Variants in DLG2 observed in about 807,000 individuals in gnomAD.
The protein encoded by DLG2 is disks large homolog 2.
Under a neutral mutation model 132.5 loss-of-function variants are expected in DLG2, and 45 were observed. The observed-to-expected ratio is 0.34, with a 90% CI of 0.27 to 0.44. DLG2 has a LOEUF of 0.44. Ranked by LOEUF, DLG2 falls within the 20% of genes least tolerant of loss-of-function variation. The pLI is 1.00. For missense variants in DLG2, 1,045 were observed against 1,196.9 expected (o/e 0.87, Z 1.87); for synonymous variants, 424 against 419.6 (o/e 1.01, Z -0.13).
At chr11:85,215,933 T>A (rs1157061825) in intron 4 of DLG2, among the ~76,000 whole-genome samples, 1 of 151,808 alleles carries the variant, frequency 6.6e-6, no homozygotes, top group Non-Finnish European at 1.5e-5. Flanking sequence ...ATATACACAA[T>A]GCTTGTCTTC....
At chr11:84,825,360 C>T (rs539683657) in intron 6 of DLG2, among the ~76,000 whole-genome samples, 1 of 152,052 alleles carries the variant, frequency 6.6e-6, no homozygotes, top group South Asian at 2.1e-4. Flanking sequence ...ACACACTCAA[C>T]AGAGGCTTCT....
At chr11:84,136,930 C>G (rs989812417) in intron 9 of DLG2, among the ~76,000 whole-genome samples, 11 of 152,066 alleles carry the variant, frequency 7.2e-5, no homozygotes, top group African/African-American at 2.7e-4. Flanking sequence ...ACCAGGGATT[C>G]TGGCCTATTC....
chr11:84,596,427 T>C (rs972224515), intron 6 of DLG2, among the ~76,000 whole-genome samples: 4 of 150,836 alleles, frequency 2.7e-5, no homozygotes, highest in South Asian at 4.2e-4. Context: ...TTCGACACGT[T>C]GGCCAGGCTC....
At chr11:84,114,333 C>T (rs1293953885) in intron 9 of DLG2, among the ~76,000 whole-genome samples, 1 of 152,128 alleles carries the variant, frequency 6.6e-6, no homozygotes, top group Admixed American at 6.5e-5. Context: ...TAACTTGATA[C>T]ATTGGAAGGG....
rs1454007419 is a variant in DLG2, at chr11:83,735,701, T to A, written c.1825+50989A>T. Among the ~76,000 whole-genome samples, 4 of 152,242 alleles carry A rather than the reference T, an allele frequency of 2.6e-5. No individual in the cohort carries two copies. The East Asian group carries it at 7.7e-4, about 29-fold the overall frequency. On this transcript the variant is annotated intron_variant, in intron 18 of 27. Coordinates refer to ENST00000376104, the MANE Select transcript of DLG2 (RefSeq NM_001142699.3). Reference sequence around the variant, plus strand: ...TTCCCACACGTACATTTTGCTTTTATAGTCACATTCTTTCTAACCAGCGGT... The same window carrying A: ...TTCCCACACGTACATTTTGCTTTTAAAGTCACATTCTTTCTAACCAGCGGT...
At position 85,548,391 on chromosome 11, in the gene DLG2, C is replaced by G. The variant is rs116270476; in HGVS notation, c.40+50266G>C. ...GTCCCAGAGGGGCACCCGCCAGATG[C>G]CAGCCTGAGCTCTGCTCTATGAGGT... On this transcript the variant is annotated intron_variant, in intron 3 of 27. Coordinates refer to ENST00000376104, the MANE Select transcript of DLG2 (RefSeq NM_001142699.3). Among the ~76,000 whole-genome samples, 1,428 of 152,300 alleles carry G rather than the reference C, an allele frequency of 9.4e-3. 21 individuals are homozygous for G. Among genetic ancestry groups the G allele is most frequent in the African/African-American group, 0.031 (1,275 of 41,566 alleles).
At chr11:85,072,989 A>G (rs1430695263) in intron 6 of DLG2, among the ~76,000 whole-genome samples, 1 of 151,876 alleles carries the variant, frequency 6.6e-6, no homozygotes, top group Admixed American at 6.6e-5. Flanking sequence ...TGTCAAAAAT[A>G]AGAGCTTTTA....
At chr11:83,984,044 C>G (rs187302169) in intron 11 of DLG2, among the ~76,000 whole-genome samples, 1 of 152,116 alleles carries the variant, frequency 6.6e-6, no homozygotes, top group South Asian at 2.1e-4. Flanking sequence ...GTAAATGCCA[C>G]GGTCTTAGCT....
intron 6 of DLG2, among the ~76,000 whole-genome samples, chr11:84,759,566 G>A (rs1403151557): frequency 2.0e-5 from 3 of 152,116 alleles, no homozygotes; most frequent in Non-Finnish European, 2.9e-5. Flanking sequence ...TATAAACTCA[G>A]TCAACTGATT....
At chr11:84,141,209 C>G (rs1219281915) in intron 9 of DLG2, among the ~76,000 whole-genome samples, 1 of 151,936 alleles carries the variant, frequency 6.6e-6, no homozygotes, top group East Asian at 1.9e-4. Context: ...ATTTTCCTAT[C>G]TATCTATCTA....
At chr11:83,601,575 G>A (rs1387674169) in intron 19 of DLG2, among the ~76,000 whole-genome samples, 1 of 139,286 alleles carries the variant, frequency 7.2e-6, no homozygotes, top group African/African-American at 2.7e-5. Flanking sequence ...GCAGTGGTGC[G>A]ATCTCGGCTC....
chr11:84,725,883 A>G (rs1400897994), intron 6 of DLG2, among the ~76,000 whole-genome samples: 12 of 152,138 alleles, frequency 7.9e-5, no homozygotes, highest in African/African-American at 2.9e-4. Flanking sequence ...GAATAAACCT[A>G]TTAGACTCAC....
At chr11:85,400,773 A>G (rs1282165607) in intron 3 of DLG2, among the ~76,000 whole-genome samples, 2 of 150,102 alleles carry the variant, frequency 1.3e-5, no homozygotes, top group Admixed American at 6.7e-5. Flanking sequence ...CACACTCTGG[A>G]GACTGTTGTG....
intron 15 of DLG2, among the ~76,000 whole-genome samples, chr11:83,910,814 G>A (rs777596133): frequency 4.6e-5 from 7 of 152,030 alleles, no homozygotes; most frequent in Non-Finnish European, 8.8e-5. Flanking sequence ...TATCATTGTC[G>A]TGATGATTAT....
intron 6 of DLG2, among the ~76,000 whole-genome samples, chr11:84,820,618 C>G (rs2077563690): frequency 6.6e-6 from 1 of 151,886 alleles, no homozygotes. Context: ...CCTGGACACC[C>G]ATATTCTTTT....
intron 7 of DLG2, among the ~76,000 whole-genome samples, chr11:84,326,017 T>C (rs896091722): frequency 3.3e-5 from 5 of 152,106 alleles, no homozygotes; most frequent in Non-Finnish European, 5.9e-5. Context: ...CTAGGTTGTC[T>C]AACTTTTCAT....
chr11:84,994,533 A>T (rs762098002), intron 6 of DLG2, among the ~76,000 whole-genome samples: 8 of 152,210 alleles, frequency 5.3e-5, no homozygotes, highest in African/African-American at 1.2e-4. Flanking sequence ...ACTCTTATGT[A>T]CCAGTATATG....
At chr11:83,962,023 T>C (rs994774331) in intron 14 of DLG2, among the ~76,000 whole-genome samples, 2 of 152,032 alleles carry the variant, frequency 1.3e-5, no homozygotes, top group Admixed American at 1.3e-4. Context: ...CATCCACATA[T>C]ACCAGTGAGG....
chr11:84,296,849 C>G (rs1015395815), intron 7 of DLG2, among the ~76,000 whole-genome samples: 13 of 152,146 alleles, frequency 8.5e-5, no homozygotes, highest in African/African-American at 2.9e-4. Context: ...CCCCCAAATT[C>G]TTTTTAGCAA....
Sources: allele counts gnomAD v4.1 joint callset (sites outside exome capture counted in the v4.1 genomes callset), GRCh38; gene constraint gnomAD v4.1.1; transcripts MANE v1.5; gene names NCBI Gene and HGNC (gene_info 2026-07-23, HGNC 2026-07-21).